Variants in PITPNC1 observed in about 807,000 individuals in gnomAD.
The protein encoded by PITPNC1 is cytoplasmic phosphatidylinositol transfer protein 1.
A neutral mutation model predicts 44.7 loss-of-function variants in PITPNC1; 18 were observed. That is an observed-to-expected ratio of 0.40 (90% confidence interval 0.28 to 0.60). The LOEUF (loss-of-function observed/expected upper bound fraction) is 0.60. PITPNC1 is among the 20% of genes least tolerant of loss of function. The pLI, the probability that PITPNC1 is intolerant of heterozygous loss-of-function variation, is 0.39. For synonymous variants in PITPNC1, 141 were observed against 149.6 expected, an observed-to-expected ratio of 0.94 and a Z score of 0.42; for missense variants, 290 against 418.4, an observed-to-expected ratio of 0.69 and a Z score of 2.68.
At chr17:67,671,278 A>C (rs760019782) in intron 7 of PITPNC1, among the ~76,000 whole-genome samples, 11 of 152,192 alleles carry the variant, frequency 7.2e-5, no homozygotes, top group Non-Finnish European at 1.3e-4. Flanking sequence ...GGAGAAAAAA[A>C]TGGGAAATGC....
chr17:67,676,635 A>C lies in PITPNC1; in HGVS notation c.682+1093A>C, dbSNP rs961873686. On this transcript the variant is annotated intron_variant, in intron 8 of 8. Transcript: ENST00000581322. This position sits in a 1 kb window ranked among gnomAD's most constrained non-coding sequence, Gnocchi z 4.0. ...GTCACATTAAATTTGTTCTGAGTAT[A>C]ACCTAGATTGCATTTTGGTCCTTTT... Among the ~76,000 whole-genome samples, 2 of 152,074 alleles carry C rather than the reference A, an allele frequency of 1.3e-5. No individual in the cohort carries two copies. The highest frequency in any genetic ancestry group is 6.6e-5 in the Admixed American group (1 of 15,250).
intron 2 of PITPNC1, among the ~76,000 whole-genome samples, chr17:67,539,220 T>C (rs1220668937): frequency 6.6e-6 from 1 of 152,184 alleles, no homozygotes; most frequent in Non-Finnish European, 1.5e-5. Context: ...TAGTAAGAGA[T>C]ATAAACTGAT....
intron 1 of PITPNC1, among the ~76,000 whole-genome samples, chr17:67,499,733 T>G (rs934080835): frequency 6.6e-6 from 1 of 152,188 alleles, no homozygotes; most frequent in African/African-American, 2.4e-5. Context: ...ACACTTATAG[T>G]TATGTTACAG....
intron 1 of PITPNC1, among the ~76,000 whole-genome samples, chr17:67,479,628 A>G (rs1299681003): frequency 6.6e-6 from 1 of 152,178 alleles, no homozygotes; most frequent in East Asian, 1.9e-4. Context: ...AACGGGTAGA[A>G]TGCTTGAAAC....
At chr17:67,633,712 TAGTTTCATGTCA>T (rs1187529601) in intron 6 of PITPNC1, among the ~76,000 whole-genome samples, 2 of 152,248 alleles carry the variant, frequency 1.3e-5, no homozygotes, top group Non-Finnish European at 2.9e-5. Context: ...AGAAATCCTA[TAGTTTCATGTCA>T]AGTCCGCCAG....
At chr17:67,470,298 C>G (rs1277401494) in intron 1 of PITPNC1, among the ~76,000 whole-genome samples, 2 of 152,190 alleles carry the variant, frequency 1.3e-5, no homozygotes, top group Non-Finnish European at 2.9e-5. Context: ...TATATATACA[C>G]ACACTGTAGT....
chr17:67,390,547 A>G (rs575966417), intron 1 of PITPNC1, among the ~76,000 whole-genome samples: 10 of 152,360 alleles, frequency 6.6e-5, no homozygotes, highest in East Asian at 1.9e-4. Context: ...ATGGTTCCAC[A>G]TGGCACGTAA....
chr17:67,606,242 G>A (rs990665881), intron 5 of PITPNC1, among the ~76,000 whole-genome samples: 3 of 152,180 alleles, frequency 2.0e-5, no homozygotes, highest in African/African-American at 7.2e-5. Flanking sequence ...GGGACTGAAA[G>A]AAATGAGAGA....
At chr17:67,661,005 C>T (rs1175544218) in intron 6 of PITPNC1, among the ~76,000 whole-genome samples, 1 of 150,684 alleles carries the variant, frequency 6.6e-6, no homozygotes, top group African/African-American at 2.5e-5. Flanking sequence ...ACTACAGGCG[C>T]CCGCCACCAC....
Position 67,444,875 on chromosome 17 carries a change from C to T in PITPNC1, c.48+66673C>T, listed in dbSNP as rs78204150. Among the ~76,000 whole-genome samples the T allele has an allele frequency of 1.8e-3, 271 of 151,858 alleles. 10 individuals carry two copies. In the East Asian group the frequency reaches 0.047, roughly 26 times the overall value. On this transcript the variant is annotated intron_variant, in intron 1 of 8. Transcript: ENST00000581322. ...TCGCACCACTGCACTCCAGCCTGGG[C>T]GACAGAGCGAGACTCGGTCTCAAAA...
intron 1 of PITPNC1, among the ~76,000 whole-genome samples, chr17:67,380,923 GCTGCCAA>G (rs1277545488): frequency 6.6e-6 from 1 of 152,132 alleles, no homozygotes; most frequent in Admixed American, 6.6e-5. Context: ...ATAGGTGTGT[GCTGCCAA>G]CCCGGCTAAT....
chr17:67,592,344 G>T (rs1049372948), intron 5 of PITPNC1, among the ~76,000 whole-genome samples: 1 of 152,076 alleles, frequency 6.6e-6, no homozygotes, highest in South Asian at 2.1e-4. Context: ...TATTATCAAA[G>T]GACCTAACAA....
chr17:67,568,686 G>T (rs946000085), intron 4 of PITPNC1, among the ~76,000 whole-genome samples: 9 of 151,710 alleles, frequency 5.9e-5, no homozygotes, highest in African/African-American at 2.2e-4. Flanking sequence ...GGAAAAGGGG[G>T]AAACAGCTCC....
At position 67,378,665 on chromosome 17, in the gene PITPNC1, C is replaced by T. The variant is rs940205566; in HGVS notation, c.48+463C>T. Reference sequence around the variant, plus strand: ...CCCTCGGGATCTGCACGCCCCGAGCCCCGCGGGAGGAACCTCTGAGCCCTT... The same window carrying T: ...CCCTCGGGATCTGCACGCCCCGAGCTCCGCGGGAGGAACCTCTGAGCCCTT... On this transcript the variant is annotated intron_variant, in intron 1 of 8. Coordinates refer to ENST00000581322, the MANE Select transcript of PITPNC1 (RefSeq NM_012417.4). Among the ~76,000 whole-genome samples the T allele has an allele frequency of 5.3e-4, 80 of 152,120 alleles. 1 individual carries two copies. The highest frequency in any genetic ancestry group is 8.8e-4 in the Non-Finnish European group (60 of 67,990).
intron 1 of PITPNC1, among the ~76,000 whole-genome samples, chr17:67,455,560 C>T (rs2039243171): frequency 6.6e-6 from 1 of 152,082 alleles, no homozygotes; most frequent in Non-Finnish European, 1.5e-5. Flanking sequence ...GCTGAGGTTA[C>T]AGGTGCGCAC....
intron 1 of PITPNC1, among the ~76,000 whole-genome samples, chr17:67,424,524 GT>G (rs1451957891): frequency 6.6e-6 from 1 of 151,968 alleles, no homozygotes; most frequent in Non-Finnish European, 1.5e-5. Context: ...GGGCGTGGTG[GT>G]GGGCGCCTGT....
chr17:67,572,475 G>C (rs551324895), intron 4 of PITPNC1, among the ~76,000 whole-genome samples: 5 of 116,734 alleles, frequency 4.3e-5, no homozygotes, highest in East Asian at 6.5e-4. Flanking sequence ...AAGCGGGGGG[G>C]GGGGGTAAAG....
At chr17:67,590,963 A>G (rs7224807) in intron 5 of PITPNC1, among the ~76,000 whole-genome samples, 3,961 of 151,850 alleles carry the variant, frequency 0.026, 166 homozygotes, top group African/African-American at 0.087. Flanking sequence ...CAAAAAAAAA[A>G]AAAGAAAGAA....
At chr17:67,603,969 A>G (rs1224741017) in intron 5 of PITPNC1, among the ~76,000 whole-genome samples, 1 of 151,700 alleles carries the variant, frequency 6.6e-6, no homozygotes, top group Non-Finnish European at 1.5e-5. Context: ...CTGTACATGG[A>G]GTCAGCTGCT....
Sources: gnomAD v4.1 joint callset for allele counts (sites outside exome capture counted in the v4.1 genomes callset) on GRCh38, gnomAD v4.1.1 for gene constraint, Gnocchi (gnomAD v3.1) non-coding constraint, MANE v1.5 for transcripts, NCBI Gene and HGNC (gene_info 2026-07-23, HGNC 2026-07-21) for gene names.